RAC1: variants seen among roughly 807,000 people sequenced by gnomAD.
RAC1 encodes Rac family small GTPase 1.
Under a neutral mutation model 25.2 loss-of-function variants are expected in RAC1, and 2 were observed. That is an observed-to-expected ratio of 0.08 (90% confidence interval 0.03 to 0.25). The LOEUF (loss-of-function observed/expected upper bound fraction) is 0.25. RAC1 is among the 10% of genes least tolerant of loss of function. The pLI is 1.00. For synonymous variants in RAC1, 88 were observed against 94.0 expected (o/e 0.94, Z 0.37); for missense variants, 50 against 235.7 (o/e 0.21, Z 5.16).
intron 1 of RAC1, among the ~76,000 whole-genome samples, chr7:6,384,064 G>A (rs1348764439): frequency 6.6e-6 from 1 of 151,536 alleles, no homozygotes; most frequent in Non-Finnish European, 1.5e-5. Flanking sequence ...CAAAGTGCTG[G>A]GATTACATGT....
At chr7:6,387,551 C>A (rs911452975) in intron 2 of RAC1, among the ~76,000 whole-genome samples, 1 of 151,972 alleles carries the variant, frequency 6.6e-6, no homozygotes, top group African/African-American at 2.4e-5. Flanking sequence ...TGATGAAACC[C>A]CATCTCTACT....
chr7:6,392,073 T>A (rs888101777), intron 3 of RAC1, 32 bp downstream of exon 3: 2 of 1,613,512 alleles, frequency 1.2e-6, no homozygotes, highest in African/African-American at 2.7e-5. Flanking sequence ...TAATGTGTCT[T>A]TTAGAGTATA....
At position 6,403,416 on chromosome 7, in the gene RAC1, A is replaced by G. The variant is rs199612194; in HGVS notation, c.*970A>G. 11 of 214,046 alleles carry G rather than the reference A, an allele frequency of 5.1e-5. No homozygotes were observed. The East Asian group carries it at 7.8e-4, about 15-fold the overall frequency. 13.3% of individuals were successfully genotyped at this position (214,046 alleles called of 1,614,324 possible). On this transcript the variant is annotated 3_prime_UTR_variant, in exon 6 of 6. Transcript: ENST00000348035. ...CTAACTTAGTAAGTGCTTTTCTTATAGAACCCCTTCTGACTGAGCAATATG... is the reference window on the plus strand; with the variant it reads ...CTAACTTAGTAAGTGCTTTTCTTATGGAACCCCTTCTGACTGAGCAATATG...
At position 6,394,406 on chromosome 7, in the gene RAC1, C is replaced by T. The variant is rs34439361; in HGVS notation, c.225+2365C>T. ...CATACTCATCTTCAGTTGCTATGCACAGAATCAAGTCTTGTCAGAGTAACG... is the reference window on the plus strand; with the variant it reads ...CATACTCATCTTCAGTTGCTATGCATAGAATCAAGTCTTGTCAGAGTAACG... On this transcript the variant is annotated intron_variant, in intron 3 of 5. Transcript: ENST00000348035. 2.3e-3 allele frequency among the ~76,000 whole-genome samples: 353 copies of T among 152,316 alleles called. 15 individuals are homozygous for T. In the East Asian group the frequency reaches 0.054, roughly 23 times the overall value.
chr7:6,402,037 C>A lies in RAC1; in HGVS notation c.448+10C>A. On this transcript the variant is annotated intron_variant, in intron 5 of 5. Transcript: ENST00000348035. ...ATGGCTAAGGAGATTGGTATGGAAT[C>A]CTGTGTTTTTCCTCCTCCTTGTACC... 1 of 1,611,290 alleles carries A rather than the reference C, an allele frequency of 6.2e-7. No individual in the cohort carries two copies. The highest frequency in any genetic ancestry group is 8.5e-7 in the Non-Finnish European group (1 of 1,178,740).
intron 1 of RAC1, among the ~76,000 whole-genome samples, 174 bp from the exon 2 acceptor site, chr7:6,387,038 T>G (rs1218268756): frequency 6.6e-6 from 1 of 152,190 alleles, no homozygotes; most frequent in Non-Finnish European, 1.5e-5. Context: ...ACTTTAAATT[T>G]CAGGGTACCA....
chr7:6,395,209 G>T (rs1334953365), intron 3 of RAC1, among the ~76,000 whole-genome samples: 1 of 151,990 alleles, frequency 6.6e-6, no homozygotes, highest in Non-Finnish European at 1.5e-5. Context: ...CAGGTGATCC[G>T]CCTGCCTCTG....
intron 3 of RAC1, among the ~76,000 whole-genome samples, chr7:6,398,487 C>T (rs1334831206): frequency 5.9e-5 from 9 of 152,262 alleles, no homozygotes; most frequent in African/African-American, 1.7e-4. Context: ...GACCAGGTAG[C>T]GTGGAGTGTT....
In RAC1 at chr7:6,374,955, C is replaced by T. The variant is rs933267301; in HGVS notation, c.35+185C>T. ...CACCGGACCCTGACGGCCCGGGCGG[C>T]GCGTGCCTGGTTCCGGCTCTCGATG... On this transcript the variant is annotated intron_variant, in intron 1 of 5. Coordinates refer to ENST00000348035, the MANE Select transcript of RAC1 (RefSeq NM_006908.5). Among the ~76,000 whole-genome samples the T allele has an allele frequency of 3.4e-3, 521 of 151,644 alleles. 1 individual carries two copies. Among genetic ancestry groups the T allele is most frequent in the African/African-American group, 0.012 (481 of 41,494 alleles).
At chr7:6,400,216 A>G in intron 4 of RAC1, 28 bp downstream of exon 4, 1 of 1,542,850 alleles carries the variant, frequency 6.5e-7, no homozygotes, top group Non-Finnish European at 9.0e-7. Context: ...ATGTGTATGT[A>G]AGTTATAGAA....
At chr7:6,383,138 A>G (rs1782819013) in intron 1 of RAC1, among the ~76,000 whole-genome samples, 1 of 152,194 alleles carries the variant, frequency 6.6e-6, no homozygotes, top group South Asian at 2.1e-4. Context: ...AGAAATTCCA[A>G]AGAAGTAGTA....
intron 1 of RAC1, 23 bp from the exon 2 acceptor site, chr7:6,387,189 A>T (rs201546202): frequency 2.0e-6 from 3 of 1,488,228 alleles, no homozygotes; most frequent in Admixed American, 4.3e-5. Flanking sequence ...TGACTAAGCA[A>T]CCTTTTTTCT....
intron 1 of RAC1, among the ~76,000 whole-genome samples, chr7:6,376,393 T>A (rs1241967874): frequency 6.6e-6 from 1 of 151,670 alleles, no homozygotes; most frequent in Non-Finnish European, 1.5e-5. Flanking sequence ...CATGTTGGCC[T>A]GGCTGGTCTC....
At chr7:6,377,572 G>C (rs34444443) in intron 1 of RAC1, among the ~76,000 whole-genome samples, 1 of 152,146 alleles carries the variant, frequency 6.6e-6, no homozygotes, top group South Asian at 2.1e-4. Context: ...TCCAGCCCGT[G>C]CGACAGAGTG....
intron 1 of RAC1, among the ~76,000 whole-genome samples, chr7:6,381,779 T>G (rs1028337001): frequency 6.6e-6 from 1 of 152,112 alleles, no homozygotes; most frequent in African/African-American, 2.4e-5. Flanking sequence ...TGTGTTTATT[T>G]AGCACTGCAC....
intron 1 of RAC1, among the ~76,000 whole-genome samples, chr7:6,382,417 G>C (rs1782792987): frequency 6.6e-6 from 1 of 152,212 alleles, no homozygotes; most frequent in African/African-American, 2.4e-5. Flanking sequence ...AGTGCAGAAA[G>C]TTGTTATTTT....
At chr7:6,383,067 A>C (rs1385330899) in intron 1 of RAC1, among the ~76,000 whole-genome samples, 2 of 152,210 alleles carry the variant, frequency 1.3e-5, no homozygotes, top group Non-Finnish European at 2.9e-5. Flanking sequence ...CGTTTCCTAG[A>C]GTGATGACAT....
intron 4 of RAC1, among the ~76,000 whole-genome samples, chr7:6,401,424 G>C (rs1783397233): frequency 6.6e-6 from 1 of 152,136 alleles, no homozygotes; most frequent in Admixed American, 6.5e-5. Flanking sequence ...CCTTCAGTAG[G>C]GGCATTTTCA....
intron 1 of RAC1, among the ~76,000 whole-genome samples, chr7:6,379,339 A>T (rs1217617422): frequency 1.4e-5 from 2 of 140,404 alleles, no homozygotes; most frequent in Non-Finnish European, 3.0e-5. Flanking sequence ...CAGTGGTGCG[A>T]TCTCGGCTCA....
Sources: allele counts gnomAD v4.1 joint callset (sites outside exome capture counted in the v4.1 genomes callset), GRCh38; gene constraint gnomAD v4.1.1; transcripts MANE v1.5; gene names NCBI Gene and HGNC (gene_info 2026-07-23, HGNC 2026-07-21).